The following RLIM variants were observed in gnomAD, a reference collection of about 807,000 sequenced individuals.
The protein encoded by RLIM is E3 ubiquitin-protein ligase RLIM.
In RLIM, 2 loss-of-function variants were observed where a neutral mutation model predicts 34.0. The ratio of observed to expected loss-of-function variants is 0.06; its 90% CI spans 0.02 to 0.19. RLIM has a LOEUF of 0.19. Ranked by LOEUF, RLIM falls within the 10% of genes least tolerant of loss-of-function variation. RLIM has a pLI of 1.00. For synonymous variants in RLIM, 169 were observed against 164.0 expected (o/e 1.03, Z -0.23); for missense variants, 286 against 479.7 (o/e 0.60, Z 3.77).
intron 1 of RLIM, among the ~76,000 whole-genome samples, chrX:74,601,886 AGGTGATGTTGAT>A (rs1226649869): frequency 2.4e-4 from 27 of 111,995 alleles, no homozygotes; most frequent in Middle Eastern, 9.2e-3. Context: ...TTAAGCCTCC[AGGTGATGTTGAT>A]GCTGAACCTA....
Position 74,592,549 on chromosome X carries a change from C to T in RLIM, c.766G>A (p.Val256Ile), listed in dbSNP as rs1274019444. The change falls in exon 4 of 4, where the codon GTA (valine) becomes ATA (isoleucine). Residue 256 changes from valine (V) to isoleucine (I), a missense_variant. Around this residue, in one of 6 missense-constraint regions of RLIM, gnomAD observed 121 missense variants for 182.4 expected, o/e 0.66. Transcript: ENST00000332687. The stretch of plus-strand genomic sequence containing the variant: ...CTAGAACTTCCCTCCGTCTCATTTA[C>T]CAAAGGATGTTCAAAAGTCTGAGAT... ...ISSQTFEHPLVNETEGSSRTR... is the reference protein window; with the variant it reads ...ISSQTFEHPLINETEGSSRTR... The T allele has an allele frequency of 5.0e-6, 6 of 1,210,057 alleles. No individual in the cohort carries two copies. Among genetic ancestry groups the T allele is most frequent in the Middle Eastern group, 2.3e-4 (1 of 4,369 alleles).
chrX:74,593,880 A>G (rs2079627711), intron 3 of RLIM, among the ~76,000 whole-genome samples: 2 of 112,489 alleles, frequency 1.8e-5, no homozygotes, highest in South Asian at 7.3e-4. Context: ...GTTTGGCAGC[A>G]TTCCTGCCCT....
Position 74,586,059 on chromosome X carries a change from C to T in RLIM, c.*5381G>A, listed in dbSNP as rs1334452711. 1 of 111,883 alleles carries T rather than the reference C, an allele frequency of 8.9e-6. No individual in the cohort carries two copies. Among genetic ancestry groups the T allele is most frequent in the East Asian group, 2.8e-4 (1 of 3,594 alleles). 9.2% of individuals were successfully genotyped at this position (111,883 alleles called of 1,213,427 possible). Reference sequence around the variant, plus strand: ...ATCCAAGTAAACAACTATACCAAAGCAGCTCTTCCTGGGAGAAGATAAAAC... The same window carrying T: ...ATCCAAGTAAACAACTATACCAAAGTAGCTCTTCCTGGGAGAAGATAAAAC... On this transcript the variant is annotated 3_prime_UTR_variant, in exon 4 of 4. Transcript: ENST00000332687.
rs911918194 is a variant in RLIM at position 74,585,952 on chromosome X, T to C, written c.*5488A>G. On this transcript the variant is annotated 3_prime_UTR_variant, in exon 4 of 4. Transcript: ENST00000332687. Reference sequence around the variant, plus strand: ...ACCAAAGACATAAAGGCAGCCTTTGTTACTGTTCCCCCTCCAAACCCCTTC... The same window carrying C: ...ACCAAAGACATAAAGGCAGCCTTTGCTACTGTTCCCCCTCCAAACCCCTTC... 3 of 112,173 alleles carry C rather than the reference T, an allele frequency of 2.7e-5. No homozygotes were observed. Among genetic ancestry groups the C allele is most frequent in the African/African-American group, 9.7e-5 (3 of 30,786 alleles). 9.2% of individuals were successfully genotyped at this position (112,173 alleles called of 1,213,427 possible).
At chrX:74,605,956 C>A (rs982791445) in intron 1 of RLIM, among the ~76,000 whole-genome samples, 3 of 111,866 alleles carry the variant, frequency 2.7e-5, no homozygotes, top group Non-Finnish European at 5.6e-5. Context: ...CATTCCAAAT[C>A]CAGTCAACTT....
Position 74,592,676 on chromosome X carries a change from G to A in RLIM, c.639C>T (p.Ser213=). The change falls in exon 4 of 4, where the codon AGC becomes AGT. Residue 213 remains serine, a synonymous_variant. Coordinates refer to ENST00000332687, the MANE Select transcript of RLIM (RefSeq NM_016120.4). ...PPTRGQRRAR[S]RSPDHRRTRA... ...TGGTTCTCCGATGGTCTGGGCTCCT[G>A]CTTCTTGCCCTCCTCTGACCTCTGG... 9.1e-6 allele frequency: 11 copies of A among 1,211,691 alleles called. No individual in the cohort carries two copies. The highest frequency in any genetic ancestry group is 1.1e-5 in the Non-Finnish European group (10 of 895,375).
intron 1 of RLIM, among the ~76,000 whole-genome samples, chrX:74,612,877 G>A (rs1464459828): frequency 9.0e-6 from 1 of 111,651 alleles, no homozygotes; most frequent in African/African-American, 3.3e-5. Context: ...CTTAAAATAA[G>A]CCTTTCCTTA....
At position 74,595,981 on chromosome X, in the gene RLIM, G is replaced by C. The variant is rs756286405; in HGVS notation, c.-4C>G. 3.4e-6 allele frequency: 4 copies of C among 1,159,567 alleles called. No individual in the cohort carries two copies. Among genetic ancestry groups the C allele is most frequent in the Non-Finnish European group, 1.2e-6 (1 of 866,444 alleles). On this transcript the variant is annotated 5_prime_UTR_variant, in exon 2 of 4. In the 5' UTR this introduces an upstream ATG that the reference lacks. Transcript: ENST00000332687. ...CATTGGAATCTGAGTTTTCCATATTGATGAACAAGTGGAAAATACCTGAAA... is the reference window on the plus strand; with the variant it reads ...CATTGGAATCTGAGTTTTCCATATTCATGAACAAGTGGAAAATACCTGAAA...
chrX:74,595,750 G>T, intron 2 of RLIM, 59 bp downstream of exon 2: 1 of 910,517 alleles, frequency 1.1e-6, no homozygotes, highest in Non-Finnish European at 1.5e-6. Flanking sequence ...ACAGGTTCAA[G>T]CATTTTTTTT....
chrX:74,583,436 A>G lies in RLIM; in HGVS notation c.*8004T>C. 7.0e-6 allele frequency: 5 copies of G among 716,385 alleles called. No homozygotes were observed. Among genetic ancestry groups the G allele is most frequent in the African/African-American group, 2.0e-5 (1 of 48,881 alleles). The allele number at this position is 716,385 out of a possible 1,213,427, so 59.0% of individuals were successfully genotyped here. On this transcript the variant is annotated 3_prime_UTR_variant, in exon 4 of 4. Transcript: ENST00000332687. ...GTGGCTGTGCATTAAGATGTTGCTG[A>G]GGATTGCAAACTCCCGCAGCATATT...
In RLIM at chrX:74,583,961, G is replaced by A. The variant is rs143650493; in HGVS notation, c.*7479C>T. ...CTCGGGAGGCTGAGGCAGGAGAATC[G>A]TTTGAACCCAGAGGCAGAGGTTGCA... On this transcript the variant is annotated 3_prime_UTR_variant, in exon 4 of 4. Coordinates refer to ENST00000332687, the MANE Select transcript of RLIM (RefSeq NM_016120.4). Among the ~76,000 whole-genome samples the A allele has an allele frequency of 4.8e-3, 532 of 111,359 alleles. 4 individuals are homozygous for A. The highest frequency in any genetic ancestry group is 0.016 in the African/African-American group (490 of 30,602).
In RLIM at chrX:74,585,253, T is replaced by C. The variant is rs1461295367; in HGVS notation, c.*6187A>G. ...CTTGTATTGGAATATAATCTTTTAT[T>C]TTACCACTCAACGATTAAGCCATTC... is the stretch of plus-strand genomic sequence containing the variant. On this transcript the variant is annotated 3_prime_UTR_variant, in exon 4 of 4. Transcript: ENST00000332687. The C allele has an allele frequency of 1.8e-5, 2 of 112,098 alleles. No homozygotes were observed. Among genetic ancestry groups the C allele is most frequent in the South Asian group, 7.3e-4 (2 of 2,729 alleles). The allele number at this position is 112,098 out of a possible 1,213,427, so 9.2% of individuals were successfully genotyped here.
rs2079597914 is a variant in RLIM at position 74,588,544 on chromosome X, A to G, written c.*2896T>C. On this transcript the variant is annotated 3_prime_UTR_variant, in exon 4 of 4. Transcript: ENST00000332687. ...AGCTGCTCAGAGTTAAAACAATTCA[A>G]ATGTTTCAGACTAGAAGTGAGTTTT... 1 of 112,261 alleles carries G rather than the reference A, an allele frequency of 8.9e-6. No homozygotes were observed. The allele number at this position is 112,261 out of a possible 1,213,427, so 9.3% of individuals were successfully genotyped here. A position where few individuals can be genotyped will look rare whatever the true frequency, so the allele number is the denominator to read the frequency against.
chrX:74,600,892 T>G (rs1010866729), intron 1 of RLIM, among the ~76,000 whole-genome samples: 1 of 103,208 alleles, frequency 9.7e-6, no homozygotes, highest in Non-Finnish European at 2.0e-5. Context: ...TGGTGGCCCA[T>G]GCGTGTAATC....
rs2079604654 is a variant in RLIM, at chrX:74,589,867, T to C, written c.*1573A>G. 1 of 112,252 alleles carries C rather than the reference T, an allele frequency of 8.9e-6. No individual in the cohort carries two copies. Among genetic ancestry groups the C allele is most frequent in the Non-Finnish European group, 1.9e-5 (1 of 53,258 alleles). The allele number at this position is 112,252 out of a possible 1,213,427, so 9.3% of individuals were successfully genotyped here. On this transcript the variant is annotated 3_prime_UTR_variant, in exon 4 of 4. Transcript: ENST00000332687. ...AAGAAGACTGGGGTTATCATGAAGT[T>C]ACTCTTACTACTAAGAAACCAACAT... is the stretch of plus-strand genomic sequence containing the variant.
intron 1 of RLIM, among the ~76,000 whole-genome samples, chrX:74,599,976 T>C (rs1380111202): frequency 2.7e-5 from 3 of 110,891 alleles, no homozygotes. Context: ...TTGTCAAACC[T>C]TGCCTGCTTG....
In RLIM at chrX:74,583,440, T is replaced by A; in HGVS notation, c.*8000A>T. The A allele has an allele frequency of 1.4e-6, 1 of 711,684 alleles. No individual in the cohort carries two copies. The highest frequency in any genetic ancestry group is 2.3e-6 in the Non-Finnish European group (1 of 437,781). 58.7% of individuals were successfully genotyped at this position (711,684 alleles called of 1,213,427 possible). A position where few individuals can be genotyped will look rare whatever the true frequency, so the allele number is the denominator to read the frequency against. On this transcript the variant is annotated 3_prime_UTR_variant, in exon 4 of 4. Transcript: ENST00000332687. ...CTGTGCATTAAGATGTTGCTGAGGA[T>A]TGCAAACTCCCGCAGCATATTTATA...
In RLIM at chrX:74,587,727, A is replaced by G. The variant is rs2079594018; in HGVS notation, c.*3713T>C. ...CATTTCATGTCATGGACGCCTGGGA[A>G]GCAGGTAGTTAAATACAAAGCATAT... On this transcript the variant is annotated 3_prime_UTR_variant, in exon 4 of 4. Coordinates refer to ENST00000332687, the MANE Select transcript of RLIM (RefSeq NM_016120.4). The G allele has an allele frequency of 1.8e-5, 2 of 111,772 alleles. No homozygotes were observed. Among genetic ancestry groups the G allele is most frequent in the South Asian group, 3.8e-4 (1 of 2,654 alleles). The allele number at this position is 111,772 out of a possible 1,213,427, so 9.2% of individuals were successfully genotyped here. A position where few individuals can be genotyped will look rare whatever the true frequency, so the allele number is the denominator to read the frequency against.
rs1190875049 is a variant in RLIM, at chrX:74,587,731, G to A, written c.*3709C>T. The A allele has an allele frequency of 9.0e-6, 1 of 111,579 alleles. No homozygotes were observed. Among genetic ancestry groups the A allele is most frequent in the Non-Finnish European group, 1.9e-5 (1 of 53,156 alleles). The allele number at this position is 111,579 out of a possible 1,213,427, so 9.2% of individuals were successfully genotyped here. On this transcript the variant is annotated 3_prime_UTR_variant, in exon 4 of 4. Coordinates refer to ENST00000332687, the MANE Select transcript of RLIM (RefSeq NM_016120.4). The stretch of plus-strand genomic sequence containing the variant: ...TCATGTCATGGACGCCTGGGAAGCA[G>A]GTAGTTAAATACAAAGCATATTATG...
Sources: gnomAD v4.1 joint callset for allele counts (sites outside exome capture counted in the v4.1 genomes callset) on GRCh38, gnomAD v4.1.1 for gene constraint, gnomAD v4.1.1 regional missense constraint, MANE v1.5 for transcripts, NCBI Gene and HGNC (gene_info 2026-07-23, HGNC 2026-07-21) for gene names.